Variants in TTC27 observed in about 807,000 individuals in gnomAD.
The protein encoded by TTC27 is tetratricopeptide repeat protein 27.
In TTC27, 79 loss-of-function variants were observed where a neutral mutation model predicts 115.9. That is an observed-to-expected ratio of 0.68 (90% CI 0.57 to 0.82). TTC27 has a LOEUF of 0.82. Among genes scored for constraint, TTC27 ranks in the 40% least tolerant of loss-of-function variants. TTC27 has a pLI of 0.00. For synonymous variants in TTC27, 401 were observed against 356.0 expected (o/e 1.13, Z -1.42); for missense variants, 1,054 against 993.1 (o/e 1.06, Z -0.82).
intron 2 of TTC27, among the ~76,000 whole-genome samples, chr2:32,632,162 C>CT (rs372312922): frequency 0.017 from 2,175 of 126,096 alleles, 27 homozygotes; most frequent in Non-Finnish European, 0.02. Flanking sequence ...TGGTATCATT[C>CT]TTTTTTTTTT....
intron 13 of TTC27, among the ~76,000 whole-genome samples, chr2:32,774,724 G>A (rs539599625): frequency 6.8e-4 from 104 of 152,090 alleles, no homozygotes; most frequent in Non-Finnish European, 1.3e-3. Context: ...AGTTTAAAAA[G>A]AAAAAAGTAA....
chr2:32,630,771 G>T (rs1367506624), intron 2 of TTC27, 71 bp downstream of exon 2: 7 of 1,413,334 alleles, frequency 5.0e-6, no homozygotes, highest in African/African-American at 1.4e-5. Context: ...ACAGGGTAAG[G>T]CCCTGATTTT....
intron 12 of TTC27, among the ~76,000 whole-genome samples, chr2:32,751,108 C>T (rs1197926631): frequency 6.6e-6 from 1 of 152,130 alleles, no homozygotes; most frequent in Non-Finnish European, 1.5e-5. Flanking sequence ...TATCAGTACC[C>T]TGCTTCCCAT....
At chr2:32,772,064 C>G (rs576707574) in intron 13 of TTC27, among the ~76,000 whole-genome samples, 41 of 152,174 alleles carry the variant, frequency 2.7e-4, no homozygotes, top group Admixed American at 2.3e-3. Flanking sequence ...ATAAGTGGTA[C>G]CCATTGCAGA....
chr2:32,777,523 T>C (rs764509963), intron 13 of TTC27, among the ~76,000 whole-genome samples: 4 of 152,244 alleles, frequency 2.6e-5, no homozygotes, highest in Non-Finnish European at 4.4e-5. Flanking sequence ...TGTTTGTACA[T>C]GTTCAGTAGA....
intron 9 of TTC27, among the ~76,000 whole-genome samples, chr2:32,684,208 AATG>A (rs1331008899): frequency 6.6e-6 from 1 of 152,090 alleles, no homozygotes; most frequent in African/African-American, 2.4e-5. Flanking sequence ...GTTTACTGAG[AATG>A]ATGATTTCCA....
intron 13 of TTC27, among the ~76,000 whole-genome samples, chr2:32,777,416 T>C (rs1196973327): frequency 6.6e-6 from 1 of 152,252 alleles, no homozygotes; most frequent in Non-Finnish European, 1.5e-5. Context: ...TACATCCTCC[T>C]ATATACTTTC....
At chr2:32,640,116 T>G (rs1053493666) in intron 3 of TTC27, among the ~76,000 whole-genome samples, 154 bp from the exon 4 acceptor site, 1 of 152,232 alleles carries the variant, frequency 6.6e-6, no homozygotes, top group Non-Finnish European at 1.5e-5. Context: ...GCATTTGCAG[T>G]GTTATAATTC....
chr2:32,811,289 G>A (rs1671309262), intron 17 of TTC27, 68 bp downstream of exon 17: 4 of 1,406,610 alleles, frequency 2.8e-6, no homozygotes, highest in Non-Finnish European at 2.9e-6. Flanking sequence ...CTACTTTTTT[G>A]ATGGGTGGAG....
chr2:32,640,711 G>A (rs1664609845), intron 4 of TTC27, among the ~76,000 whole-genome samples: 3 of 152,094 alleles, frequency 2.0e-5, no homozygotes, highest in Admixed American at 2.0e-4. Context: ...GGCTGGGCAT[G>A]GTGGCTCACG....
chr2:32,634,092 G>A, intron 3 of TTC27, 87 bp downstream of exon 3: 2 of 1,413,758 alleles, frequency 1.4e-6, no homozygotes, highest in Non-Finnish European at 1.9e-6. Flanking sequence ...ACTCATAGTA[G>A]GAAAGAAACA....
chr2:32,634,651 CTAAT>C (rs747056096), intron 3 of TTC27, among the ~76,000 whole-genome samples: 70 of 151,452 alleles, frequency 4.6e-4, no homozygotes, highest in Non-Finnish European at 7.7e-4. Context: ...AAGTTTTTAA[CTAAT>C]TAATTAATTA....
At chr2:32,698,325 G>T (rs935806798) in intron 9 of TTC27, among the ~76,000 whole-genome samples, 3 of 151,488 alleles carry the variant, frequency 2.0e-5, no homozygotes, top group African/African-American at 4.9e-5. Flanking sequence ...AGAGACAGGG[G>T]CTTGCTATGC....
intron 2 of TTC27, among the ~76,000 whole-genome samples, chr2:32,632,696 ACT>A (rs935760985): frequency 4.0e-5 from 6 of 150,456 alleles, no homozygotes; most frequent in African/African-American, 7.4e-5. Flanking sequence ...TTTCTGAAAG[ACT>A]CTTCCTTTTA....
chr2:32,667,043 A>G (rs1665804607), intron 7 of TTC27, among the ~76,000 whole-genome samples: 1 of 152,120 alleles, frequency 6.6e-6, no homozygotes, highest in Admixed American at 6.5e-5. Flanking sequence ...TGAATTAATG[A>G]TGCAGTTAGT....
At chr2:32,746,945 A>C (rs1668853413) in intron 12 of TTC27, among the ~76,000 whole-genome samples, 1 of 152,216 alleles carries the variant, frequency 6.6e-6, no homozygotes, top group African/African-American at 2.4e-5. Context: ...TCAGGGAGAA[A>C]GAATTAACTT....
At chr2:32,662,303 C>T (rs1302720192) in intron 5 of TTC27, among the ~76,000 whole-genome samples, 1 of 152,126 alleles carries the variant, frequency 6.6e-6, no homozygotes, top group East Asian at 1.9e-4. Context: ...AGGGAGGAGT[C>T]CCTCTTTTTC....
At chr2:32,639,102 G>A (rs1444525433) in intron 3 of TTC27, among the ~76,000 whole-genome samples, 1 of 152,180 alleles carries the variant, frequency 6.6e-6, no homozygotes, top group East Asian at 1.9e-4. Flanking sequence ...AAAGTGCTGG[G>A]ATTACAGATG....
intron 12 of TTC27, among the ~76,000 whole-genome samples, chr2:32,755,080 C>T (rs1000467898): frequency 5.3e-5 from 8 of 151,940 alleles, no homozygotes; most frequent in East Asian, 1.9e-4. Flanking sequence ...CGGGCAGAGA[C>T]GCTCCTCACT....
Sources: allele counts gnomAD v4.1 joint callset (sites outside exome capture counted in the v4.1 genomes callset), GRCh38; gene constraint gnomAD v4.1.1; transcripts MANE v1.5; gene names NCBI Gene and HGNC (gene_info 2026-07-23, HGNC 2026-07-21).